The following PCED1B variants were observed in gnomAD, a reference collection of about 807,000 sequenced individuals.
The protein encoded by PCED1B is PC-esterase domain-containing protein 1B.
For missense variants in PCED1B, 573 were observed against 573.9 expected (o/e 1.00, Z 0.02); for synonymous variants, 251 against 246.1 (o/e 1.02, Z -0.19).
At chr12:47,106,633 G>A (rs973820906) in intron 2 of PCED1B, among the ~76,000 whole-genome samples, 8 of 152,198 alleles carry the variant, frequency 5.3e-5, no homozygotes, top group Admixed American at 5.2e-4. Flanking sequence ...GTCCCTGGGC[G>A]CCCATCTCCT....
chr12:47,174,246 G>A (rs909874565), intron 2 of PCED1B, among the ~76,000 whole-genome samples: 1 of 150,864 alleles, frequency 6.6e-6, no homozygotes, highest in Non-Finnish European at 1.5e-5. Flanking sequence ...CTGGCTCTAG[G>A]AAAAATACAA....
chr12:47,165,445 A>T (rs1305989691), intron 2 of PCED1B, among the ~76,000 whole-genome samples: 1 of 152,232 alleles, frequency 6.6e-6, no homozygotes, highest in African/African-American at 2.4e-5. Flanking sequence ...GTGAATGTGC[A>T]TGGGGAAAGA....
intron 2 of PCED1B, among the ~76,000 whole-genome samples, chr12:47,204,027 C>T (rs1244748959): frequency 6.6e-6 from 1 of 152,154 alleles, no homozygotes; most frequent in East Asian, 1.9e-4. Flanking sequence ...TTAAAAGTAG[C>T]CTCCGCCTCC....
chr12:47,162,086 G>C (rs1224650606), intron 2 of PCED1B, among the ~76,000 whole-genome samples: 2 of 151,582 alleles, frequency 1.3e-5, no homozygotes. Context: ...ACACAGGAAG[G>C]GGAACATCAC....
chr12:47,116,421 G>C (rs1019354328), intron 2 of PCED1B, among the ~76,000 whole-genome samples: 1 of 151,988 alleles, frequency 6.6e-6, no homozygotes, highest in Non-Finnish European at 1.5e-5. Context: ...AAGAGTGAAG[G>C]TCTGTTTTTT....
intron 3 of PCED1B, among the ~76,000 whole-genome samples, chr12:47,229,287 G>A (rs1249010938): frequency 2.0e-5 from 3 of 151,724 alleles, no homozygotes; most frequent in Admixed American, 1.3e-4. Context: ...GGTGGTGCAC[G>A]TCTGTAGTCC....
At position 47,092,131 on chromosome 12, in the gene PCED1B, A is replaced by G. The variant is rs186861800; in HGVS notation, c.-608-11982A>G. 2.0e-4 allele frequency among the ~76,000 whole-genome samples: 30 copies of G among 152,210 alleles called. No homozygotes were observed. The East Asian group carries it at 4.4e-3, about 22-fold the overall frequency. On this transcript the variant is annotated intron_variant, in intron 1 of 3. Coordinates refer to ENST00000546455, the MANE Select transcript of PCED1B (RefSeq NM_138371.3). ...CATAGATGAATGTATTAATTTGGAGAGAACTAACATCTTTACAATATTGAG... is the reference window on the plus strand; with the variant it reads ...CATAGATGAATGTATTAATTTGGAGGGAACTAACATCTTTACAATATTGAG...
At chr12:47,167,921 C>CA (rs2137535716) in intron 2 of PCED1B, among the ~76,000 whole-genome samples, 1 of 152,212 alleles carries the variant, frequency 6.6e-6, no homozygotes, top group East Asian at 1.9e-4. Context: ...CCAGAGGAGG[C>CA]AGACATTTTG....
At position 47,170,333 on chromosome 12, in the gene PCED1B, C is replaced by T. The variant is rs535068802; in HGVS notation, c.-525-45889C>T. Among the ~76,000 whole-genome samples the T allele has an allele frequency of 5.9e-5, 9 of 152,330 alleles. No individual in the cohort carries two copies. The South Asian group carries it at 1.9e-3, about 32-fold the overall frequency. On this transcript the variant is annotated intron_variant, in intron 2 of 3. Transcript: ENST00000546455. ...ACAGTAACAATCTGATCTCTCTTTT[C>T]CCCACATTTCCCCCTTTGCTATTCG...
At chr12:47,161,860 A>G (rs1941390613) in intron 2 of PCED1B, among the ~76,000 whole-genome samples, 1 of 152,234 alleles carries the variant, frequency 6.6e-6, no homozygotes, top group Non-Finnish European at 1.5e-5. Flanking sequence ...CTTGGAACCA[A>G]CCCATATGTC....
intron 1 of PCED1B, among the ~76,000 whole-genome samples, chr12:47,095,457 A>G (rs1176671328): frequency 1.3e-5 from 2 of 152,134 alleles, no homozygotes; most frequent in Non-Finnish European, 2.9e-5. Context: ...TCTTACATCA[A>G]TACATAGATA....
At chr12:47,229,795 A>T (rs1200844714) in intron 3 of PCED1B, among the ~76,000 whole-genome samples, 3 of 151,142 alleles carry the variant, frequency 2.0e-5, no homozygotes, top group African/African-American at 4.9e-5. Context: ...TTTGAGATGG[A>T]GTCTCTCTCT....
chr12:47,131,342 C>T (rs138406809), intron 2 of PCED1B, among the ~76,000 whole-genome samples: 4 of 152,302 alleles, frequency 2.6e-5, no homozygotes, highest in Non-Finnish European at 5.9e-5. Flanking sequence ...ATACAAGAAC[C>T]TTTGCCTCCT....
At chr12:47,186,461 C>A (rs1942270908) in intron 2 of PCED1B, among the ~76,000 whole-genome samples, 1 of 151,446 alleles carries the variant, frequency 6.6e-6, no homozygotes, top group African/African-American at 2.4e-5. Context: ...TATGTTATCC[C>A]TTTACTGGTA....
Position 47,186,823 on chromosome 12 carries a change from T to C in PCED1B, c.-525-29399T>C, listed in dbSNP as rs1047527688. Among the ~76,000 whole-genome samples, 52 of 152,304 alleles carry C rather than the reference T, an allele frequency of 3.4e-4. 1 individual carries two copies. The highest frequency in any genetic ancestry group is 1.2e-3 in the African/African-American group (51 of 41,564). ...CTTCGTGATGGCAGCCCAAGGAAAT[T>C]AACACAGCACAAAATCTTGTCTTTA... is the stretch of plus-strand genomic sequence containing the variant. On this transcript the variant is annotated intron_variant, in intron 2 of 3. Transcript: ENST00000546455.
chr12:47,228,569 TA>T (rs2137880077), intron 3 of PCED1B, among the ~76,000 whole-genome samples: 1 of 152,052 alleles, frequency 6.6e-6, no homozygotes, highest in East Asian at 1.9e-4. Context: ...AAAATGGGAA[TA>T]AGAGTTACCT....
intron 3 of PCED1B, among the ~76,000 whole-genome samples, chr12:47,232,909 A>ATT (rs755917179): frequency 1.3e-5 from 1 of 77,568 alleles, no homozygotes; most frequent in Non-Finnish European, 3.2e-5. Context: ...TAGAAATTTT[A>ATT]TTTATTTATT....
chr12:47,222,070 T>G (rs1943492474), intron 3 of PCED1B, among the ~76,000 whole-genome samples: 1 of 139,026 alleles, frequency 7.2e-6, no homozygotes, highest in South Asian at 2.3e-4. Flanking sequence ...ACCATGGCAC[T>G]CCAGCCTGGG....
intron 2 of PCED1B, among the ~76,000 whole-genome samples, chr12:47,173,664 C>T (rs2137565684): frequency 6.6e-6 from 1 of 152,044 alleles, no homozygotes; most frequent in South Asian, 2.1e-4. Flanking sequence ...GGCCATCCTG[C>T]CAAAGATTCG....
Sources: gnomAD v4.1 joint callset for allele counts (sites outside exome capture counted in the v4.1 genomes callset) on GRCh38, gnomAD v4.1.1 for gene constraint, MANE v1.5 for transcripts, NCBI Gene and HGNC (gene_info 2026-07-23, HGNC 2026-07-21) for gene names.